Variants in ACTR2 observed in about 807,000 individuals in gnomAD.
The protein encoded by ACTR2 is actin related protein 2.
In ACTR2, 5 loss-of-function variants were observed where a neutral mutation model predicts 50.2. The ratio of observed to expected loss-of-function variants is 0.10; its 90% confidence interval spans 0.05 to 0.21. The LOEUF (loss-of-function observed/expected upper bound fraction) is 0.21, where lower values mean the gene tolerates loss of function less well. ACTR2 is among the 10% of genes least tolerant of loss of function. ACTR2 has a pLI of 1.00. For synonymous variants in ACTR2, 140 were observed against 162.9 expected, an observed-to-expected ratio of 0.86 and a Z score of 1.07; for missense variants, 180 against 480.6, an observed-to-expected ratio of 0.37 and a Z score of 5.85.
At chr2:65,260,631 T>A (rs1255410658) in intron 6 of ACTR2, among the ~76,000 whole-genome samples, 1 of 152,142 alleles carries the variant, frequency 6.6e-6, no homozygotes, top group Non-Finnish European at 1.5e-5. Flanking sequence ...ATACAATGGT[T>A]GGTCAGTGAT....
chr2:65,256,544 T>C (rs1672152243), intron 6 of ACTR2, among the ~76,000 whole-genome samples: 1 of 152,178 alleles, frequency 6.6e-6, no homozygotes, highest in Non-Finnish European at 1.5e-5. Context: ...TTCACAAATA[T>C]ATGCAAAATA....
intron 7 of ACTR2, among the ~76,000 whole-genome samples, chr2:65,262,389 C>A (rs1672284434): frequency 6.6e-6 from 1 of 150,388 alleles, no homozygotes; most frequent in Non-Finnish European, 1.5e-5. Context: ...ACCACCATGC[C>A]CAGAATTTTT....
In ACTR2 at chr2:65,227,871, T is replaced by C; in HGVS notation, c.-39T>C. The C allele has an allele frequency of 6.7e-7, 1 of 1,498,464 alleles. No homozygotes were observed. Among genetic ancestry groups the C allele is most frequent in the Non-Finnish European group, 8.9e-7 (1 of 1,123,146 alleles). The allele number at this position is 1,498,464 out of a possible 1,614,324, so 92.8% of individuals were successfully genotyped here. A position where few individuals can be genotyped will look rare whatever the true frequency, so the allele number is the denominator to read the frequency against. ...GAAAACGGCCGGGCGGCGGTGGCTG[T>C]AGGTTGTGCGGCTGCAGCGGCTCTT... On this transcript the variant is annotated 5_prime_UTR_variant, in exon 1 of 9. Coordinates refer to ENST00000260641, the MANE Select transcript of ACTR2 (RefSeq NM_005722.4).
At chr2:65,233,151 C>T (rs924070972) in intron 1 of ACTR2, among the ~76,000 whole-genome samples, 18 of 151,898 alleles carry the variant, frequency 1.2e-4, no homozygotes, top group East Asian at 5.8e-4. Flanking sequence ...TGCACCACCA[C>T]GCCAGGCTAA....
rs954906248 is a variant in ACTR2 at position 65,269,202 on chromosome 2, C to T, written c.*468C>T. 7.2e-5 allele frequency: 11 copies of T among 152,586 alleles called. No homozygotes were observed. The highest frequency in any genetic ancestry group is 1.9e-4 in the African/African-American group (8 of 41,286). The allele number at this position is 152,586 out of a possible 1,614,324, so 9.5% of individuals were successfully genotyped here. On this transcript the variant is annotated 3_prime_UTR_variant, in exon 9 of 9. Coordinates refer to ENST00000260641, the MANE Select transcript of ACTR2 (RefSeq NM_005722.4). ...TTAGGGCATTTCCTCTGTAATGTGGCGCTTTCAACTGTACTGCTGCAGCTT... is the reference window on the plus strand; with the variant it reads ...TTAGGGCATTTCCTCTGTAATGTGGTGCTTTCAACTGTACTGCTGCAGCTT...
At chr2:65,261,977 T>G (rs1158349842) in intron 7 of ACTR2, among the ~76,000 whole-genome samples, 1 of 152,208 alleles carries the variant, frequency 6.6e-6, no homozygotes, top group East Asian at 1.9e-4. Context: ...TTGCATTTAT[T>G]TCCCTGATGA....
intron 8 of ACTR2, among the ~76,000 whole-genome samples, chr2:65,266,800 A>C (rs1320615362): frequency 2.0e-5 from 3 of 152,224 alleles, no homozygotes; most frequent in Non-Finnish European, 4.4e-5. Flanking sequence ...GCCATGCAGC[A>C]GGAAGGGCTC....
intron 1 of ACTR2, among the ~76,000 whole-genome samples, chr2:65,237,707 G>A (rs996521507): frequency 2.0e-5 from 3 of 152,058 alleles, no homozygotes; most frequent in South Asian, 2.1e-4. Flanking sequence ...TAAAACTTAC[G>A]CTAGGCGTGG....
chr2:65,247,901 G>C (rs1027135060), intron 3 of ACTR2, among the ~76,000 whole-genome samples: 1 of 152,132 alleles, frequency 6.6e-6, no homozygotes, highest in African/African-American at 2.4e-5. Flanking sequence ...TTGTGAGAAG[G>C]TGATGTTTAA....
At chr2:65,233,593 A>AT (rs916191578) in intron 1 of ACTR2, among the ~76,000 whole-genome samples, 20 of 149,506 alleles carry the variant, frequency 1.3e-4, no homozygotes, top group East Asian at 9.8e-4. Context: ...AGCCAGTATA[A>AT]TTTTTTTTTT....
intron 1 of ACTR2, among the ~76,000 whole-genome samples, chr2:65,235,326 A>C (rs987695018): frequency 6.6e-6 from 1 of 152,042 alleles, no homozygotes; most frequent in Non-Finnish European, 1.5e-5. Flanking sequence ...ATGAACTACT[A>C]CTCCTGAATT....
At chr2:65,240,313 A>G (rs926620708) in intron 2 of ACTR2, among the ~76,000 whole-genome samples, 6 of 152,042 alleles carry the variant, frequency 3.9e-5, no homozygotes, top group African/African-American at 1.4e-4. Context: ...AATTCCATAT[A>G]TTTGTCATTG....
chr2:65,257,411 T>C (rs1485511788), intron 6 of ACTR2, among the ~76,000 whole-genome samples: 1 of 152,198 alleles, frequency 6.6e-6, no homozygotes, highest in African/African-American at 2.4e-5. Flanking sequence ...AGTAAACATA[T>C]GTGTGCATGT....
In ACTR2 at chr2:65,255,171, T is replaced by TA. The variant is rs1430454053; in HGVS notation, c.586-373dup. Among the ~76,000 whole-genome samples, 5 of 152,206 alleles carry TA rather than the reference T, an allele frequency of 3.3e-5. No homozygotes were observed. The East Asian group carries it at 9.6e-4, about 29-fold the overall frequency. Reference sequence around the variant, plus strand: ...TAAAGACTTGGGGGCATTTCATAAATATGGCATTAATTGTGTGAGCAAACT... The same window carrying TA: ...TAAAGACTTGGGGGCATTTCATAAATAATGGCATTAATTGTGTGAGCAAACT... On this transcript the variant is annotated intron_variant, in intron 5 of 8. Coordinates refer to ENST00000260641, the MANE Select transcript of ACTR2 (RefSeq NM_005722.4).
intron 7 of ACTR2, among the ~76,000 whole-genome samples, chr2:65,263,958 G>A (rs1407343457): frequency 6.6e-6 from 1 of 152,200 alleles, no homozygotes; most frequent in African/African-American, 2.4e-5. Flanking sequence ...GGGAGGCTGA[G>A]GCAGGAGAAT....
At chr2:65,251,386 A>G (rs1277297180) in intron 4 of ACTR2, among the ~76,000 whole-genome samples, 8 of 151,944 alleles carry the variant, frequency 5.3e-5, no homozygotes. Flanking sequence ...TTTGAGACAG[A>G]TTTTCGCTTT....
At chr2:65,244,671 G>A (rs1671901575) in intron 2 of ACTR2, among the ~76,000 whole-genome samples, 1 of 152,138 alleles carries the variant, frequency 6.6e-6, no homozygotes, top group Admixed American at 6.5e-5. Flanking sequence ...TAAACGGTTG[G>A]GTGTGGTGAT....
chr2:65,242,869 A>G (rs1671867899), intron 2 of ACTR2, among the ~76,000 whole-genome samples: 1 of 152,258 alleles, frequency 6.6e-6, no homozygotes, highest in Non-Finnish European at 1.5e-5. Flanking sequence ...TATATATTTT[A>G]ACTAGTAATA....
In ACTR2 at chr2:65,246,584, A is replaced by T. The variant is rs1671943453; in HGVS notation, c.220A>T (p.Met74Leu). 3.7e-6 allele frequency: 6 copies of T among 1,613,518 alleles called. No homozygotes were observed. The highest frequency in any genetic ancestry group is 4.2e-6 in the Non-Finnish European group (5 of 1,179,678). The change falls in exon 3 of 9, where the codon ATG (methionine) becomes TTG (leucine). Residue 74 changes from methionine (M) to leucine (L), a missense_variant. Coordinates refer to ENST00000260641, the MANE Select transcript of ACTR2 (RefSeq NM_005722.4). The part of the protein sequence containing the change: ...LRSMLEVNYP[M>L]ENGIVRNWDD... ...ATCAATGTTAGAAGTTAACTACCCT[A>T]TGGAAAATGGCATAGTACGAAATTG...
Sources: gnomAD v4.1 joint callset for allele counts (sites outside exome capture counted in the v4.1 genomes callset) on GRCh38, gnomAD v4.1.1 for gene constraint, MANE v1.5 for transcripts, NCBI Gene and HGNC (gene_info 2026-07-23, HGNC 2026-07-21) for gene names.